AEBP2: variants seen among roughly 807,000 people sequenced by gnomAD.
AEBP2 encodes AE binding protein 2.
Under a neutral mutation model 50.8 loss-of-function variants are expected in AEBP2, and 10 were observed. The ratio of observed to expected loss-of-function variants is 0.20; its 90% CI spans 0.12 to 0.33. The LOEUF is 0.33. Among genes scored for constraint, AEBP2 ranks in the 10% least tolerant of loss-of-function variants. The pLI is 1.00. For synonymous variants in AEBP2, 296 were observed against 261.3 expected, an observed-to-expected ratio of 1.13 and a Z score of -1.28; for missense variants, 570 against 688.0, an observed-to-expected ratio of 0.83 and a Z score of 1.92.
In AEBP2 at chr12:19,439,773, C is replaced by T; in HGVS notation, c.74C>T (p.Pro25Leu). The change falls in exon 1 of 8, where the codon CCG becomes CTG. Residue 25 changes from proline to leucine, a missense_variant. Transcript: ENST00000266508. The part of the protein sequence containing the change: ...SRLSPLPPGS[P>L]GSAARGRAEP... ...CTGAGCCCTCTGCCCCCCGGCAGCCCGGGTTCGGCGGCGCGGGGCCGGGCT... is the reference window on the plus strand; with the variant it reads ...CTGAGCCCTCTGCCCCCCGGCAGCCTGGGTTCGGCGGCGCGGGGCCGGGCT... 1 of 1,515,480 alleles carries T rather than the reference C, an allele frequency of 6.6e-7. No homozygotes were observed. Among genetic ancestry groups the T allele is most frequent in the South Asian group, 1.2e-5 (1 of 83,108 alleles). The allele number at this position is 1,515,480 out of a possible 1,614,324, so 93.9% of individuals were successfully genotyped here.
At chr12:19,471,694 A>AT (rs1465882077) in intron 2 of AEBP2, among the ~76,000 whole-genome samples, 2 of 149,054 alleles carry the variant, frequency 1.3e-5, no homozygotes, top group Non-Finnish European at 3.0e-5. Flanking sequence ...TGCCTAGCCA[A>AT]TTTTTTTTGT....
intron 1 of AEBP2, among the ~76,000 whole-genome samples, chr12:19,424,043 A>G (rs2095747226): frequency 6.6e-6 from 1 of 152,214 alleles, no homozygotes; most frequent in Non-Finnish European, 1.5e-5. Context: ...GATCAGCATC[A>G]TGAGAATGGA....
intron 4 of AEBP2, among the ~76,000 whole-genome samples, chr12:19,495,547 C>CTTTTTTTTTTTTTT (rs35060511): frequency 2.1e-5 from 3 of 141,042 alleles, no homozygotes; most frequent in South Asian, 2.3e-4. Flanking sequence ...TTCATTCTTG[C>CTTTTTTTTTTTTTT]TTTTTTTTTT....
At chr12:19,488,117 A>G (rs1414482721) in intron 3 of AEBP2, among the ~76,000 whole-genome samples, 1 of 143,280 alleles carries the variant, frequency 7.0e-6, no homozygotes, top group African/African-American at 2.5e-5. Context: ...TGAGGCAAGA[A>G]CAGATTAAAT....
intron 5 of AEBP2, among the ~76,000 whole-genome samples, chr12:19,503,729 G>A (rs1328938887): frequency 6.6e-6 from 1 of 150,916 alleles, no homozygotes; most frequent in Non-Finnish European, 1.5e-5. Context: ...TTGCTGTGTT[G>A]CCCAGGCTGG....
At chr12:19,495,031 G>A (rs1310371353) in intron 4 of AEBP2, among the ~76,000 whole-genome samples, 8 of 151,858 alleles carry the variant, frequency 5.3e-5, no homozygotes, top group African/African-American at 1.9e-4. Flanking sequence ...TCAGCCTTCC[G>A]AGCAGCTGGG....
At chr12:19,425,734 TGCA>T (rs2095748192) in intron 1 of AEBP2, among the ~76,000 whole-genome samples, 2 of 138,494 alleles carry the variant, frequency 1.4e-5, no homozygotes, top group Admixed American at 1.6e-4. Flanking sequence ...ATCCTGCCAC[TGCA>T]CTCCAGCCTG....
chr12:19,460,016 T>C (rs1948344710), intron 1 of AEBP2, among the ~76,000 whole-genome samples: 1 of 152,180 alleles, frequency 6.6e-6, no homozygotes, highest in African/African-American at 2.4e-5. Context: ...GAGCCCAGCC[T>C]GGACAACATA....
chr12:19,460,711 G>T (rs1398546811), intron 1 of AEBP2, among the ~76,000 whole-genome samples: 1 of 145,964 alleles, frequency 6.9e-6, no homozygotes, highest in Non-Finnish European at 1.5e-5. Flanking sequence ...TTGGAGTCCA[G>T]TGCCGCTATC....
chr12:19,456,328 C>G (rs1948269231), intron 1 of AEBP2: 1 of 1,429,560 alleles, frequency 7.0e-7, no homozygotes, highest in South Asian at 1.1e-5. Context: ...TTGATGACAT[C>G]CACTGCAACT....
intron 1 of AEBP2, among the ~76,000 whole-genome samples, chr12:19,419,469 G>A (rs2095744416): frequency 6.6e-6 from 1 of 152,020 alleles, no homozygotes; most frequent in Admixed American, 6.6e-5. Context: ...CGTGCCTATA[G>A]TCCTAGCTAC....
At chr12:19,440,569 C>A in intron 1 of AEBP2, 199 bp downstream of exon 1, 1 of 1,409,766 alleles carries the variant, frequency 7.1e-7, no homozygotes, top group Non-Finnish European at 9.3e-7. Flanking sequence ...AACTCTCAAA[C>A]CGTTCCCCCC....
intron 1 of AEBP2, among the ~76,000 whole-genome samples, chr12:19,446,732 C>CA (rs34624474): frequency 6.8e-4 from 78 of 115,002 alleles, no homozygotes; most frequent in South Asian, 1.1e-3. Flanking sequence ...ACTCCGTTTC[C>CA]AAAAAAAAAA....
chr12:19,440,599 C>T (rs1277033231), intron 1 of AEBP2: 4 of 1,472,222 alleles, frequency 2.7e-6, no homozygotes, highest in Admixed American at 2.2e-5. Context: ...TTTCCCCGCC[C>T]TCTTTCCCCT....
intron 2 of AEBP2, among the ~76,000 whole-genome samples, chr12:19,463,751 G>A (rs191099180): frequency 1.0e-3 from 129 of 128,438 alleles, no homozygotes; most frequent in African/African-American, 3.7e-3. Context: ...TCAGCTCACC[G>A]CAGCCTCTGC....
chr12:19,422,272 T>C (rs2095746225), intron 1 of AEBP2, among the ~76,000 whole-genome samples: 1 of 152,168 alleles, frequency 6.6e-6, no homozygotes, highest in Admixed American at 6.6e-5. Context: ...TTATAAACAC[T>C]GTAATGTACT....
At chr12:19,408,752 A>T (rs2095737679) in intron 1 of AEBP2, among the ~76,000 whole-genome samples, 1 of 151,618 alleles carries the variant, frequency 6.6e-6, no homozygotes, top group Non-Finnish European at 1.5e-5. Context: ...AAATGCAAAA[A>T]ATTAGCTGGG....
In AEBP2 at chr12:19,514,658, T is replaced by G; in HGVS notation, c.1368-13T>G. The G allele has an allele frequency of 6.4e-7, 1 of 1,567,532 alleles. No individual in the cohort carries two copies. The highest frequency in any genetic ancestry group is 8.7e-7 in the Non-Finnish European group (1 of 1,153,148). On this transcript the variant is annotated splice_polypyrimidine_tract_variant and intron_variant, in intron 6 of 7. Coordinates refer to ENST00000266508, the MANE Select transcript of AEBP2 (RefSeq NM_153207.5). ...AATGTTACTTTATTATTGACTTGTT[T>G]TTTAATTCATAGTCTGCCTGATGTG...
At chr12:19,445,457 G>A (rs1213365512) in intron 1 of AEBP2, among the ~76,000 whole-genome samples, 2 of 150,008 alleles carry the variant, frequency 1.3e-5, no homozygotes, top group Admixed American at 6.7e-5. Flanking sequence ...CAAATGATCC[G>A]CTTGCCTCGG....
Sources: gnomAD v4.1 joint callset for allele counts (sites outside exome capture counted in the v4.1 genomes callset) on GRCh38, gnomAD v4.1.1 for gene constraint, MANE v1.5 for transcripts, NCBI Gene and HGNC (gene_info 2026-07-23, HGNC 2026-07-21) for gene names.